Variants in MAGEA1 observed in about 807,000 individuals in gnomAD.
MAGEA1 encodes MAGE family member A1.
For missense variants in MAGEA1, 182 were observed against 233.7 expected (o/e 0.78, Z 1.44); for synonymous variants, 101 against 96.7 (o/e 1.04, Z -0.26).
In MAGEA1 at chrX:153,182,652, C is replaced by T. The variant is rs782683172; in HGVS notation, c.263C>T (p.Pro88Leu). The stretch of plus-strand genomic sequence containing the variant: ...TCCAGCAGCCGTGAAGAGGAGGGGC[C>T]AAGCACCTCTTGTATCCTGGAGTCC... ...EGSSSREEEG[P>L]STSCILESLF... Residue 88 changes from proline to leucine, a missense_variant, in exon 3 of 3, where the codon CCA becomes CTA. Transcript: ENST00000356661. 3 of 1,211,846 alleles carry T rather than the reference C, an allele frequency of 2.5e-6. No individual in the cohort carries two copies. Among genetic ancestry groups the T allele is most frequent in the Non-Finnish European group, 2.2e-6 (2 of 895,425 alleles).
chrX:153,182,465 G>A lies in MAGEA1; in HGVS notation c.76G>A (p.Val26Met). ...LEAQQEALGL[V>M]CVQAATSSSS... ...GGCCCAACAAGAGGCCCTGGGCCTG[G>A]TGTGTGTGCAGGCTGCCACCTCCTC... The change falls in exon 3 of 3, where the codon GTG (valine) becomes ATG (methionine). Residue 26 changes from valine to methionine, a missense_variant. Val to Met is a conservative substitution (Grantham distance 21, BLOSUM62 1). Transcript: ENST00000356661. The A allele has an allele frequency of 8.3e-7, 1 of 1,211,208 alleles. No homozygotes were observed. Among genetic ancestry groups the A allele is most frequent in the Non-Finnish European group, 1.1e-6 (1 of 895,120 alleles).
Position 153,183,647 on chromosome X carries a change from T to C in MAGEA1, c.*328T>C, listed in dbSNP as rs185117581. ...TGTTTTATTCAGATTGGGAAATCCA[T>C]TCTATTTTGTGAATTGGGATAATAA... On this transcript the variant is annotated 3_prime_UTR_variant, in exon 3 of 3. Coordinates refer to ENST00000356661, the MANE Select transcript of MAGEA1 (RefSeq NM_004988.5). The C allele has an allele frequency of 2.7e-3, 605 of 225,815 alleles. No homozygotes were observed. Among genetic ancestry groups the C allele is most frequent in the Admixed American group, 6.9e-3 (107 of 15,426 alleles). The allele number at this position is 225,815 out of a possible 1,213,427, so 18.6% of individuals were successfully genotyped here. A position where few individuals can be genotyped will look rare whatever the true frequency, so the allele number is the denominator to read the frequency against.
In MAGEA1 at chrX:153,182,258, G is replaced by A; in HGVS notation, c.-66+9G>A. On this transcript the variant is annotated intron_variant, in intron 2 of 2. Transcript: ENST00000356661. ...CACCAAGGAGAAGATCTGTAAGTAG[G>A]CCTTTGTTAGAGTCTCCAAGGTTCA... is the stretch of plus-strand genomic sequence containing the variant. The A allele has an allele frequency of 2.0e-6, 2 of 1,006,892 alleles. No homozygotes were observed. The highest frequency in any genetic ancestry group is 4.4e-5 in the Admixed American group (2 of 45,740). The allele number at this position is 1,006,892 out of a possible 1,213,427, so 83.0% of individuals were successfully genotyped here. A position where few individuals can be genotyped will look rare whatever the true frequency, so the allele number is the denominator to read the frequency against.
Position 153,183,402 on chromosome X carries a change from C to CGTGTGA in MAGEA1, c.*84_*89dup. On this transcript the variant is annotated 3_prime_UTR_variant, in exon 3 of 3. Coordinates refer to ENST00000356661, the MANE Select transcript of MAGEA1 (RefSeq NM_004988.5). ...CCGCGTCCAGCAGCTTCCCCTGCCTCGTGTGACATGAGGCCCATTCTTCAC... is the reference window on the plus strand; with the variant it reads ...CCGCGTCCAGCAGCTTCCCCTGCCTCGTGTGAGTGTGACATGAGGCCCATTCTTCAC... 2.1e-6 allele frequency: 2 copies of CGTGTGA among 958,024 alleles called. No individual in the cohort carries two copies. The highest frequency in any genetic ancestry group is 2.9e-6 in the Non-Finnish European group (2 of 685,234). The allele number at this position is 958,024 out of a possible 1,213,427, so 79.0% of individuals were successfully genotyped here.
At chrX:153,181,096 T>C (rs1436627847) in intron 1 of MAGEA1, among the ~76,000 whole-genome samples, 1 of 108,755 alleles carries the variant, frequency 9.2e-6, no homozygotes, top group African/African-American at 3.4e-5. Context: ...TGTCTACTCA[T>C]GTCAGGGAAT....
At position 153,182,198 on chromosome X, in the gene MAGEA1, C is replaced by T; in HGVS notation, c.-117C>T. 4 of 995,670 alleles carry T rather than the reference C, an allele frequency of 4.0e-6. No homozygotes were observed. In the South Asian group the frequency reaches 7.7e-5, roughly 19 times the overall value. 82.1% of individuals were successfully genotyped at this position (995,670 alleles called of 1,213,427 possible). On this transcript the variant is annotated 5_prime_UTR_variant, in exon 2 of 3. Coordinates refer to ENST00000356661, the MANE Select transcript of MAGEA1 (RefSeq NM_004988.5). ...TCAGGTTTTCAGGGGACAGGCCAAC[C>T]CAGAGGACAGGATTCCCTGGAGGCC...
At chrX:153,180,913 G>T (rs1314443497) in intron 1 of MAGEA1, among the ~76,000 whole-genome samples, 1 of 111,612 alleles carries the variant, frequency 9.0e-6, no homozygotes, top group East Asian at 2.8e-4. Context: ...CCTTCATGAG[G>T]ACTGGGGATA....
At position 153,182,967 on chromosome X, in the gene MAGEA1, G is replaced by A; in HGVS notation, c.578G>A (p.Gly193Asp). 8.3e-7 allele frequency: 1 copy of A among 1,211,625 alleles called. No individual in the cohort carries two copies. Among genetic ancestry groups the A allele is most frequent in the Middle Eastern group, 2.3e-4 (1 of 4,353 alleles). ...GATAATCAGATCATGCCCAAGACAG[G>A]CTTCCTGATAATTGTCCTGGTCATG... The part of the protein sequence containing the change: ...LGDNQIMPKT[G>D]FLIIVLVMIA... Residue 193 changes from glycine (G) to aspartate (D), a missense_variant, in exon 3 of 3, where the codon GGC becomes GAC. Transcript: ENST00000356661.
chrX:153,181,655 T>TC (rs782343682), intron 1 of MAGEA1, among the ~76,000 whole-genome samples: 2 of 111,443 alleles, frequency 1.8e-5, no homozygotes, highest in Non-Finnish European at 3.8e-5. Context: ...TTGCTGCCCT[T>TC]CCCCAAGGAC....
At chrX:153,179,845 T>C (rs1377597351) in intron 1 of MAGEA1, among the ~76,000 whole-genome samples, 1 of 106,001 alleles carries the variant, frequency 9.4e-6, no homozygotes, top group Non-Finnish European at 1.9e-5. Flanking sequence ...CTCATCTCTC[T>C]CATGTGCCCC....
chrX:153,179,840 C>G (rs892908799), intron 1 of MAGEA1, among the ~76,000 whole-genome samples: 3 of 108,863 alleles, frequency 2.8e-5, no homozygotes, highest in Non-Finnish European at 5.7e-5. Context: ...CCACCCTCAT[C>G]TCTCTCATGT....
At chrX:153,179,557 G>T (rs781877543) in intron 1 of MAGEA1, among the ~76,000 whole-genome samples, 192 bp downstream of exon 1, 48 of 109,472 alleles carry the variant, frequency 4.4e-4, no homozygotes, top group African/African-American at 1.3e-3. Context: ...ATCAGAGGTT[G>T]CTGTGACCAG....
In MAGEA1 at chrX:153,183,329, G is replaced by T. The variant is rs782477203; in HGVS notation, c.*10G>T. The T allele has an allele frequency of 8.3e-7, 1 of 1,198,432 alleles. No individual in the cohort carries two copies. Among genetic ancestry groups the T allele is most frequent in the Admixed American group, 2.2e-5 (1 of 45,601 alleles). On this transcript the variant is annotated 3_prime_UTR_variant, in exon 3 of 3. Transcript: ENST00000356661. ...GGAAGAGGGAGTCTGAGCATGAGTT[G>T]CAGCCAAGGCCAGTGGGAGGGGGAC...
Position 153,182,571 on chromosome X carries a change from C to G in MAGEA1, c.182C>G (p.Ala61Gly), listed in dbSNP as rs144650259. The G allele has an allele frequency of 8.3e-7, 1 of 1,209,678 alleles. No individual in the cohort carries two copies. The highest frequency in any genetic ancestry group is 1.8e-5 in the African/African-American group (1 of 57,057). Residue 61 changes from alanine (A) to glycine (G), a missense_variant, in exon 3 of 3, where the codon GCC (alanine) becomes GGC (glycine). Coordinates refer to ENST00000356661, the MANE Select transcript of MAGEA1 (RefSeq NM_004988.5). ...STDPPQSPQG[A>G]SAFPTTINFT... Reference sequence around the variant, plus strand: ...GATCCTCCCCAGAGTCCTCAGGGAGCCTCCGCCTTTCCCACTACCATCAAC... The same window carrying G: ...GATCCTCCCCAGAGTCCTCAGGGAGGCTCCGCCTTTCCCACTACCATCAAC...
At position 153,182,407 on chromosome X, in the gene MAGEA1, G is replaced by A. The variant is rs781879322; in HGVS notation, c.18G>A (p.Arg6=). The A allele has an allele frequency of 5.1e-5, 62 of 1,208,162 alleles. 1 individual carries two copies. In the South Asian group the frequency reaches 1.0e-3, roughly 20 times the overall value. ...GAGTCATCATGTCTCTTGAGCAGAG[G>A]AGTCTGCACTGCAAGCCTGAGGAAG... The part of the protein sequence containing the change: MSLEQ[R]SLHCKPEEAL... The change falls in exon 3 of 3, where the codon AGG becomes AGA. Residue 6 remains arginine, a synonymous_variant. Coordinates refer to ENST00000356661, the MANE Select transcript of MAGEA1 (RefSeq NM_004988.5).
At position 153,182,177 on chromosome X, in the gene MAGEA1, G is replaced by A; in HGVS notation, c.-138G>A. On this transcript the variant is annotated splice_region_variant and 5_prime_UTR_variant, in exon 2 of 3. Transcript: ENST00000356661. ...AGTACCCTCTCACTTCCTCCTTCAGGTTTTCAGGGGACAGGCCAACCCAGA... is the reference window on the plus strand; with the variant it reads ...AGTACCCTCTCACTTCCTCCTTCAGATTTTCAGGGGACAGGCCAACCCAGA... 1.1e-6 allele frequency: 1 copy of A among 870,822 alleles called. No individual in the cohort carries two copies. The allele number at this position is 870,822 out of a possible 1,213,427, so 71.8% of individuals were successfully genotyped here.
chrX:153,183,202 C>A lies in MAGEA1; in HGVS notation c.813C>A (p.Leu271=). The A allele has an allele frequency of 8.3e-7, 1 of 1,211,798 alleles. No homozygotes were observed. The highest frequency in any genetic ancestry group is 1.1e-6 in the Non-Finnish European group (1 of 895,434). ...RYEFLWGPRA[L]AETSYVKVLE... The stretch of plus-strand genomic sequence containing the variant: ...AGTTCCTGTGGGGTCCAAGGGCCCT[C>A]GCTGAAACCAGCTATGTGAAAGTCC... Residue 271 remains leucine (L), a synonymous_variant, in exon 3 of 3, where the codon CTC becomes CTA. Transcript: ENST00000356661.
Position 153,182,406 on chromosome X carries a change from G to A in MAGEA1, c.17G>A (p.Arg6Lys), listed in dbSNP as rs1389171390. ...AGAGTCATCATGTCTCTTGAGCAGAGGAGTCTGCACTGCAAGCCTGAGGAA... is the reference window on the plus strand; with the variant it reads ...AGAGTCATCATGTCTCTTGAGCAGAAGAGTCTGCACTGCAAGCCTGAGGAA... The part of the protein sequence containing the change: MSLEQ[R>K]SLHCKPEEAL... The change falls in exon 3 of 3, where the codon AGG (arginine) becomes AAG (lysine). Residue 6 changes from arginine to lysine, a missense_variant. Transcript: ENST00000356661. 3 of 1,208,198 alleles carry A rather than the reference G, an allele frequency of 2.5e-6. No homozygotes were observed. The highest frequency in any genetic ancestry group is 1.7e-5 in the African/African-American group (1 of 57,154).
At chrX:153,180,587 A>G (rs1363054054) in intron 1 of MAGEA1, among the ~76,000 whole-genome samples, 3 of 111,256 alleles carry the variant, frequency 2.7e-5, no homozygotes, top group Non-Finnish European at 5.7e-5. Flanking sequence ...CCAGCACCCT[A>G]GGACACCGCA....
Sources: allele counts gnomAD v4.1 joint callset (sites outside exome capture counted in the v4.1 genomes callset), GRCh38; gene constraint gnomAD v4.1.1; transcripts MANE v1.5; gene names NCBI Gene and HGNC (gene_info 2026-07-23, HGNC 2026-07-21).